DNM3: variants seen among roughly 807,000 people sequenced by gnomAD.
The protein encoded by DNM3 is dynamin-3.
In DNM3, 47 loss-of-function variants were observed where a neutral mutation model predicts 101.6. The ratio of observed to expected loss-of-function variants is 0.46; its 90% CI spans 0.37 to 0.59. DNM3 has a LOEUF of 0.59. Among genes scored for constraint, DNM3 ranks in the 20% least tolerant of loss-of-function variants. The probability of loss-of-function intolerance (pLI) is 0.00; values close to 1 mark genes in which losing one functional copy is unlikely to be tolerated. For missense variants in DNM3, 849 were observed against 1,085.7 expected (o/e 0.78, Z 3.06); for synonymous variants, 385 against 387.9 (o/e 0.99, Z 0.09).
At chr1:171,973,385 TAC>T (rs2044152052) in intron 2 of DNM3, among the ~76,000 whole-genome samples, 1 of 152,222 alleles carries the variant, frequency 6.6e-6, no homozygotes. Flanking sequence ...GATTAATTGT[TAC>T]ATATTTACTC....
At position 172,409,311 on chromosome 1, in the gene DNM3, T is replaced by G; in HGVS notation, c.*1470T>G. ...TTGAAAGTAGCAAACATGATTTGTA[T>G]GTTAACTTAACTTTAATTTCCTGTG... On this transcript the variant is annotated 3_prime_UTR_variant, in exon 21 of 21. Coordinates refer to ENST00000627582, the MANE Select transcript of DNM3 (RefSeq NM_015569.5). The G allele has an allele frequency of 1.0e-6, 1 of 985,356 alleles. No homozygotes were observed. The allele number at this position is 985,356 out of a possible 1,614,324, so 61.0% of individuals were successfully genotyped here.
At chr1:172,178,878 A>G (rs571398735) in intron 14 of DNM3, among the ~76,000 whole-genome samples, 2 of 152,052 alleles carry the variant, frequency 1.3e-5, no homozygotes, top group South Asian at 4.2e-4. Context: ...AAATAGAATA[A>G]GTCTTATTCC....
At chr1:172,038,540 C>T (rs750959279) in intron 7 of DNM3, 79 bp downstream of exon 7, 227 of 1,549,792 alleles carry the variant, frequency 1.5e-4, no homozygotes, top group Non-Finnish European at 1.9e-4. Context: ...CTATTTGTCA[C>T]GTTGCTTCTT....
chr1:172,092,759 T>C (rs753608916), intron 12 of DNM3, 65 bp from the exon 13 acceptor site: 17 of 1,475,566 alleles, frequency 1.2e-5, no homozygotes, highest in Non-Finnish European at 1.6e-5. Context: ...ATTTTAGTAT[T>C]TGTTACTTGT....
At chr1:171,933,567 C>T (rs766453497) in intron 2 of DNM3, among the ~76,000 whole-genome samples, 5 of 151,902 alleles carry the variant, frequency 3.3e-5, no homozygotes, top group Non-Finnish European at 5.9e-5. Flanking sequence ...TAGATGGGAG[C>T]GGCTTATGTG....
chr1:172,036,002 A>C (rs538704665), intron 6 of DNM3, among the ~76,000 whole-genome samples: 45 of 150,298 alleles, frequency 3.0e-4, no homozygotes, highest in East Asian at 2.5e-3. Context: ...TTCTTTTTTT[A>C]TTTTATTTTA....
chr1:171,967,411 TG>T (rs750118947), intron 2 of DNM3, among the ~76,000 whole-genome samples: 5 of 152,100 alleles, frequency 3.3e-5, no homozygotes, highest in Non-Finnish European at 7.4e-5. Context: ...GTTGACATGC[TG>T]AGTGCTTTGA....
chr1:172,323,690 C>A (rs2065824566), intron 17 of DNM3, among the ~76,000 whole-genome samples: 1 of 152,168 alleles, frequency 6.6e-6, no homozygotes, highest in Non-Finnish European at 1.5e-5. Context: ...GAATTCAGTG[C>A]AGCTGAAGTT....
At chr1:172,088,665 G>A (rs981013331) in intron 12 of DNM3, among the ~76,000 whole-genome samples, 2 of 152,084 alleles carry the variant, frequency 1.3e-5, no homozygotes, top group African/African-American at 4.8e-5. Context: ...GCTAATACCA[G>A]TCTATTCTCT....
intron 14 of DNM3, among the ~76,000 whole-genome samples, chr1:172,132,082 G>A (rs539136750): frequency 4.7e-4 from 71 of 152,222 alleles, no homozygotes; most frequent in Non-Finnish European, 8.8e-4. Context: ...TTATAATGCG[G>A]CATGCAAACA....
At chr1:171,916,600 AT>A (rs1315027301) in intron 1 of DNM3, among the ~76,000 whole-genome samples, 2 of 152,124 alleles carry the variant, frequency 1.3e-5, no homozygotes, top group Non-Finnish European at 2.9e-5. Context: ...TGGACTTGAC[AT>A]TTATTGTCTT....
intron 13 of DNM3, among the ~76,000 whole-genome samples, chr1:172,126,581 A>G (rs1370450378): frequency 1.3e-5 from 2 of 152,212 alleles, no homozygotes; most frequent in Non-Finnish European, 2.9e-5. Flanking sequence ...TTTCAGCTAC[A>G]TTAAATGCTT....
At chr1:171,842,857 A>C (rs1488784972) in intron 1 of DNM3, among the ~76,000 whole-genome samples, 1 of 152,262 alleles carries the variant, frequency 6.6e-6, no homozygotes, top group African/African-American at 2.4e-5. Flanking sequence ...TGAAGAGTGC[A>C]GACATTTGCT....
At chr1:172,335,759 A>G (rs915883243) in intron 17 of DNM3, among the ~76,000 whole-genome samples, 4 of 152,080 alleles carry the variant, frequency 2.6e-5, no homozygotes, top group Admixed American at 2.6e-4. Context: ...ATGGATATAC[A>G]GAAGACAACA....
At position 171,954,870 on chromosome 1, in the gene DNM3, GT is replaced by G. The variant is rs1166570163; in HGVS notation, c.236-32782del. ...TTTTTCCTGAGAAAGCTAAAAATAT[GT>G]TTTCAGCAGAGAATTAATGAATTGT... On this transcript the variant is annotated intron_variant, in intron 2 of 20. Coordinates refer to ENST00000627582, the MANE Select transcript of DNM3 (RefSeq NM_015569.5). Among the ~76,000 whole-genome samples, 3 of 152,306 alleles carry G rather than the reference GT, an allele frequency of 2.0e-5. No homozygotes were observed. The South Asian group carries it at 6.2e-4, about 32-fold the overall frequency.
intron 13 of DNM3, chr1:172,093,629 G>A (rs1275548690): frequency 2.9e-6 from 4 of 1,394,654 alleles, no homozygotes; most frequent in Non-Finnish European, 2.9e-6. Context: ...AGGAGAAGAG[G>A]TAATAACAGA....
At chr1:172,163,072 A>G (rs1049776938) in intron 14 of DNM3, among the ~76,000 whole-genome samples, 2 of 152,014 alleles carry the variant, frequency 1.3e-5, no homozygotes, top group Admixed American at 6.6e-5. Context: ...TTTAAGGTGT[A>G]CAATGTGATG....
At chr1:172,062,306 T>G (rs1387412629) in intron 10 of DNM3, among the ~76,000 whole-genome samples, 1 of 152,152 alleles carries the variant, frequency 6.6e-6, no homozygotes, top group African/African-American at 2.4e-5. Flanking sequence ...GGATTCCTTT[T>G]TGGATGTTTT....
At position 172,133,257 on chromosome 1, in the gene DNM3, T is replaced by C. The variant is rs981327394; in HGVS notation, c.1659+1969T>C. Reference sequence around the variant, plus strand: ...GAAGGAAGAAGCTTTGAAGGCTTGGTGAGCTCTTGGTTATTGGCTCATCTC... The same window carrying C: ...GAAGGAAGAAGCTTTGAAGGCTTGGCGAGCTCTTGGTTATTGGCTCATCTC... On this transcript the variant is annotated intron_variant, in intron 14 of 20. Transcript: ENST00000627582. 7.4e-6 allele frequency: 8 copies of C among 1,079,946 alleles called. No individual in the cohort carries two copies. In the Admixed American group the frequency reaches 2.1e-4, roughly 28 times the overall value. The allele number at this position is 1,079,946 out of a possible 1,614,324, so 66.9% of individuals were successfully genotyped here. A position where few individuals can be genotyped will look rare whatever the true frequency, so the allele number is the denominator to read the frequency against.
Sources: allele counts gnomAD v4.1 joint callset (sites outside exome capture counted in the v4.1 genomes callset), GRCh38; gene constraint gnomAD v4.1.1; transcripts MANE v1.5; gene names NCBI Gene and HGNC (gene_info 2026-07-23, HGNC 2026-07-21).